The following PSMD7 variants were observed in gnomAD, a reference collection of about 807,000 sequenced individuals.
PSMD7 encodes 26S proteasome non-ATPase regulatory subunit 7.
A neutral mutation model predicts 36.4 loss-of-function variants in PSMD7; 13 were observed. The ratio of observed to expected loss-of-function variants is 0.36; its 90% CI spans 0.23 to 0.57. The LOEUF is 0.57. PSMD7 is among the 20% of genes least tolerant of loss of function. PSMD7 has a pLI of 0.83. For synonymous variants in PSMD7, 186 were observed against 151.0 expected (o/e 1.23, Z -1.70); for missense variants, 298 against 393.6 (o/e 0.76, Z 2.06).
At position 74,304,211 on chromosome 16, in the gene PSMD7, T is replaced by C. The variant is rs1227420028; in HGVS notation, c.439-92T>C. The C allele has an allele frequency of 8.8e-6, 10 of 1,131,584 alleles. No homozygotes were observed. In the Admixed American group the frequency reaches 1.6e-4, roughly 18 times the overall value. The allele number at this position is 1,131,584 out of a possible 1,614,324, so 70.1% of individuals were successfully genotyped here. A position where few individuals can be genotyped will look rare whatever the true frequency, so the allele number is the denominator to read the frequency against. On this transcript the variant is annotated intron_variant, in intron 5 of 6. Transcript: ENST00000219313. ...TCAGTCATGCACTCATTAAATGAGC[T>C]GACTTAAAGCAAAAGACTCAGGGTG...
intron 6 of PSMD7, among the ~76,000 whole-genome samples, chr16:74,304,894 T>A (rs1449335956): frequency 1.3e-5 from 2 of 152,212 alleles, no homozygotes; most frequent in Non-Finnish European, 2.9e-5. Context: ...CTCAATATTC[T>A]GGAGATGCAT....
Position 74,304,411 on chromosome 16 carries a change from G to A in PSMD7, c.530+17G>A, listed in dbSNP as rs1254466415. On this transcript the variant is annotated intron_variant, in intron 6 of 6. Coordinates refer to ENST00000219313, the MANE Select transcript of PSMD7 (RefSeq NM_002811.5). ...CTTGTTACGGTGAGACCCTAGTACA[G>A]CATCAAAATCATTCACTGCCCGAGA... The A allele has an allele frequency of 3.1e-5, 50 of 1,602,148 alleles. No homozygotes were observed. Among genetic ancestry groups the A allele is most frequent in the Non-Finnish European group, 4.2e-5 (49 of 1,169,444 alleles).
chr16:74,304,626 T>C, intron 6 of PSMD7: 1 of 415,672 alleles, frequency 2.4e-6, no homozygotes, highest in South Asian at 3.8e-5. Context: ...AATTTATGAC[T>C]TTGTGGATAG....
chr16:74,304,456 G>A, intron 6 of PSMD7, 62 bp downstream of exon 6: 5 of 1,476,544 alleles, frequency 3.4e-6, no homozygotes, highest in Non-Finnish European at 4.7e-6. Context: ...GTGTAAGGAA[G>A]AGGTCTGTGT....
At position 74,304,173 on chromosome 16, in the gene PSMD7, C is replaced by A. The variant is rs2034177821; in HGVS notation, c.439-130C>A. 5.4e-6 allele frequency: 4 copies of A among 741,670 alleles called. No individual in the cohort carries two copies. The African/African-American group carries it at 7.0e-5, about 13-fold the overall frequency. The allele number at this position is 741,670 out of a possible 1,614,324, so 45.9% of individuals were successfully genotyped here. A position where few individuals can be genotyped will look rare whatever the true frequency, so the allele number is the denominator to read the frequency against. On this transcript the variant is annotated intron_variant, in intron 5 of 6. Coordinates refer to ENST00000219313, the MANE Select transcript of PSMD7 (RefSeq NM_002811.5). ...TCAAAGTAAGCCTTACCCACCCTTG[C>A]CATAGAAAATTCTCAGTCATGCACT...
chr16:74,305,547 C>T lies in PSMD7; in HGVS notation c.789C>T (p.Ala263=). 2 of 1,613,854 alleles carry T rather than the reference C, an allele frequency of 1.2e-6. No individual in the cohort carries two copies. The highest frequency in any genetic ancestry group is 1.7e-6 in the Non-Finnish European group (2 of 1,179,758). The change falls in exon 7 of 7, where the codon GCC becomes GCT. Residue 263 remains alanine, a synonymous_variant. Transcript: ENST00000219313. The part of the protein sequence containing the change: ...TNDQMVVVYL[A]SLIRSVVALH... The stretch of plus-strand genomic sequence containing the variant: ...ACCAGATGGTGGTAGTGTACTTGGC[C>T]TCGCTGATCCGTTCCGTGGTCGCCC...
intron 1 of PSMD7, among the ~76,000 whole-genome samples, chr16:74,298,586 A>C (rs550831641): frequency 6.6e-6 from 1 of 152,348 alleles, no homozygotes; most frequent in South Asian, 2.1e-4. Flanking sequence ...CTTTCAGGCT[A>C]GCCTGGTAGC....
intron 1 of PSMD7, among the ~76,000 whole-genome samples, chr16:74,299,225 C>T (rs1426729803): frequency 6.6e-6 from 1 of 152,160 alleles, no homozygotes; most frequent in Non-Finnish European, 1.5e-5. Flanking sequence ...TTCTGTGTCA[C>T]ACATTTGCTA....
intron 4 of PSMD7, 107 bp from the exon 5 acceptor site, chr16:74,302,105 T>G: frequency 1.1e-6 from 1 of 910,696 alleles, no homozygotes; most frequent in Non-Finnish European, 1.7e-6. Flanking sequence ...CTGGTTCATT[T>G]CTAATTGATT....
intron 3 of PSMD7, 59 bp downstream of exon 3, chr16:74,301,203 T>A (rs2034152605): frequency 8.6e-7 from 1 of 1,159,426 alleles, no homozygotes; most frequent in Non-Finnish European, 1.3e-6. Context: ...TATGGGGGTC[T>A]TCTGTTCGCT....
intron 1 of PSMD7, 131 bp from the exon 2 acceptor site, chr16:74,299,984 G>A (rs1336637205): frequency 6.2e-6 from 5 of 809,440 alleles, no homozygotes; most frequent in African/African-American, 3.4e-5. Flanking sequence ...TATTACATTG[G>A]TTTAGGGAGA....
intron 1 of PSMD7, among the ~76,000 whole-genome samples, chr16:74,297,970 TG>T (rs1735004069): frequency 6.6e-6 from 1 of 151,206 alleles, no homozygotes; most frequent in Non-Finnish European, 1.5e-5. Context: ...AAAAAAAAAA[TG>T]TATATATAGA....
At chr16:74,302,866 G>C (rs1228234247) in intron 5 of PSMD7, among the ~76,000 whole-genome samples, 2 of 152,220 alleles carry the variant, frequency 1.3e-5, no homozygotes, top group Non-Finnish European at 1.5e-5. Flanking sequence ...ATTTAGAAAA[G>C]GGTATTTTAG....
chr16:74,298,788 C>A (rs2034134093), intron 1 of PSMD7, among the ~76,000 whole-genome samples: 1 of 152,094 alleles, frequency 6.6e-6, no homozygotes. Flanking sequence ...GTGAGAAGAT[C>A]ACTTGAATCT....
At chr16:74,297,663 G>C (rs1249737358) in intron 1 of PSMD7, among the ~76,000 whole-genome samples, 1 of 152,012 alleles carries the variant, frequency 6.6e-6, no homozygotes, top group Non-Finnish European at 1.5e-5. Flanking sequence ...ATTTGGCCCT[G>C]ACCCCGGCCC....
intron 1 of PSMD7, among the ~76,000 whole-genome samples, chr16:74,297,678 G>A (rs148918944): frequency 5.9e-4 from 90 of 152,276 alleles, no homozygotes; most frequent in African/African-American, 2.1e-3. Flanking sequence ...CGGCCCCAGG[G>A]TCGTATTTAT....
intron 5 of PSMD7, 100 bp from the exon 6 acceptor site, chr16:74,304,203 A>T: frequency 1.9e-6 from 2 of 1,040,254 alleles, no homozygotes; most frequent in East Asian, 2.4e-5. Flanking sequence ...TGCACTCATT[A>T]AATGAGCTGA....
At chr16:74,298,233 T>C (rs916244514) in intron 1 of PSMD7, among the ~76,000 whole-genome samples, 5 of 151,280 alleles carry the variant, frequency 3.3e-5, no homozygotes, top group Admixed American at 2.6e-4. Flanking sequence ...TCAAAGGTCA[T>C]CTAGTAAGCT....
At chr16:74,299,926 A>AGT (rs1233490075) in intron 1 of PSMD7, among the ~76,000 whole-genome samples, 189 bp from the exon 2 acceptor site, 2 of 152,256 alleles carry the variant, frequency 1.3e-5, no homozygotes, top group African/African-American at 4.8e-5. Context: ...AGTGGGTGTC[A>AGT]GTACCAAGTT....
Sources: gnomAD v4.1 joint callset for allele counts (sites outside exome capture counted in the v4.1 genomes callset) on GRCh38, gnomAD v4.1.1 for gene constraint, MANE v1.5 for transcripts, NCBI Gene and HGNC (gene_info 2026-07-23, HGNC 2026-07-21) for gene names.